Variants in PTCH1 observed in about 807,000 individuals in gnomAD.
PTCH1 encodes the protein protein patched homolog 1.
PTCH1 carries 14 observed loss-of-function variants against 144.6 expected under a neutral mutation model. That is an observed-to-expected ratio of 0.10 (90% CI 0.06 to 0.15). The LOEUF (loss-of-function observed/expected upper bound fraction) is 0.15, where lower values mean the gene tolerates loss of function less well. Ranked by LOEUF, PTCH1 falls within the 10% of genes least tolerant of loss-of-function variation. PTCH1 has a pLI of 1.00. For missense variants in PTCH1, 1,623 were observed against 1,948.3 expected, an observed-to-expected ratio of 0.83 and a Z score of 3.14; for synonymous variants, 833 against 793.6, an observed-to-expected ratio of 1.05 and a Z score of -0.83.
chr9:95,495,484 G>A (rs1396659093), intron 2 of PTCH1: 1 of 151,840 alleles, frequency 6.6e-6, no homozygotes, highest in Non-Finnish European at 1.5e-5. Flanking sequence ...GAGGTAGGGG[G>A]AGTAAGTATA....
At position 95,485,508 on chromosome 9, in the gene PTCH1, C is replaced by T. The variant is rs28673156; in HGVS notation, c.584+177G>A. Among the ~76,000 whole-genome samples, 15,548 of 152,204 alleles carry T rather than the reference C, an allele frequency of 0.1. 885 individuals are homozygous for T. The highest frequency in any genetic ancestry group is 0.14 in the African/African-American group (5,772 of 41,516). ...GTAATGCACTTGCTTTGTTACCAAACTCGAGAAACGATAAATCAAGATGAA... is the reference window on the plus strand; with the variant it reads ...GTAATGCACTTGCTTTGTTACCAAATTCGAGAAACGATAAATCAAGATGAA... On this transcript the variant is annotated intron_variant, in intron 3 of 23. Transcript: ENST00000331920.
At position 95,477,802 on chromosome 9, in the gene PTCH1, G is replaced by C. The variant is rs561765703; in HGVS notation, c.1348-100C>G. ...ACCCATCACCCCAAATCAAAAGGCA[G>C]AACTTATCCAACAACAACAAAACTT... On this transcript the variant is annotated intron_variant, in intron 9 of 23. Transcript: ENST00000331920. 1.0e-5 allele frequency: 16 copies of C among 1,528,034 alleles called. No homozygotes were observed. The South Asian group carries it at 1.8e-4, about 17-fold the overall frequency. 94.7% of individuals were successfully genotyped at this position (1,528,034 alleles called of 1,614,324 possible).
intron 15 of PTCH1, among the ~76,000 whole-genome samples, chr9:95,463,445 A>C (rs1244429031): frequency 1.3e-5 from 2 of 152,260 alleles, no homozygotes; most frequent in East Asian, 3.9e-4. Flanking sequence ...AGGCATGCAC[A>C]CACAGGGTAC....
At chr9:95,446,890 G>C (rs1477259077) in intron 23 of PTCH1, 21 bp downstream of exon 23, 1 of 1,613,362 alleles carries the variant, frequency 6.2e-7, no homozygotes, top group African/African-American at 1.3e-5. Flanking sequence ...TCCCTTGGCT[G>C]CCCTTGTCAG....
chr9:95,471,806 G>A (rs1048322071), intron 12 of PTCH1, among the ~76,000 whole-genome samples: 3 of 152,214 alleles, frequency 2.0e-5, no homozygotes, highest in East Asian at 1.9e-4. Flanking sequence ...GTGGGAGGCC[G>A]AGGCGGGCAG....
chr9:95,478,852 G>T, intron 8 of PTCH1, 148 bp downstream of exon 8: 1 of 1,255,846 alleles, frequency 8.0e-7, no homozygotes, highest in Non-Finnish European at 1.1e-6. Context: ...CAATATCAAA[G>T]AAGAGGAAAA....
intron 2 of PTCH1, among the ~76,000 whole-genome samples, chr9:95,495,642 G>A (rs1269974960): frequency 1.3e-5 from 2 of 151,996 alleles, no homozygotes; most frequent in African/African-American, 2.4e-5. Context: ...CCTCCAGAAC[G>A]GTTAGTTCCT....
At chr9:95,472,942 A>C (rs1420511301) in intron 12 of PTCH1, among the ~76,000 whole-genome samples, 1 of 152,248 alleles carries the variant, frequency 6.6e-6, no homozygotes, top group Non-Finnish European at 1.5e-5. Context: ...TGCAACTGTG[A>C]ATCAATTCTA....
intron 2 of PTCH1, among the ~76,000 whole-genome samples, chr9:95,487,331 C>T (rs1304544767): frequency 6.6e-6 from 1 of 152,194 alleles, no homozygotes; most frequent in Non-Finnish European, 1.5e-5. Context: ...CTTCTGTGTG[C>T]AGAAAACTTT....
chr9:95,469,544 C>T (rs759179107), intron 13 of PTCH1, among the ~76,000 whole-genome samples: 28 of 152,144 alleles, frequency 1.8e-4, no homozygotes, highest in Non-Finnish European at 1.0e-4. Context: ...TTCCTACAAT[C>T]GGCAACATCA....
intron 19 of PTCH1, 102 bp downstream of exon 19, chr9:95,456,174 G>A (rs1588534917): frequency 2.0e-6 from 3 of 1,537,346 alleles, no homozygotes; most frequent in East Asian, 2.3e-5. Context: ...CCTTTTCACT[G>A]CCACGCACAG....
intron 9 of PTCH1, 119 bp from the exon 10 acceptor site, chr9:95,477,821 A>G (rs1841186028): frequency 6.7e-7 from 1 of 1,490,036 alleles, no homozygotes; most frequent in Non-Finnish European, 9.2e-7. Flanking sequence ...CAACAACAAC[A>G]AAACTTTACA....
At chr9:95,505,928 G>GC (rs1843560607) in intron 2 of PTCH1, among the ~76,000 whole-genome samples, 1 of 146,514 alleles carries the variant, frequency 6.8e-6, no homozygotes, top group Non-Finnish European at 1.5e-5. Context: ...CGCCGGGGGC[G>GC]CGCACACTCC....
intron 14 of PTCH1, 57 bp downstream of exon 14, chr9:95,468,694 C>A (rs916728736): frequency 1.0e-5 from 16 of 1,596,546 alleles, no homozygotes; most frequent in Non-Finnish European, 1.4e-5. Context: ...CTGATGAACT[C>A]CAAAGGTTCT....
intron 2 of PTCH1, among the ~76,000 whole-genome samples, chr9:95,505,743 C>G: frequency 6.6e-6 from 1 of 151,842 alleles, no homozygotes; most frequent in Non-Finnish European, 1.5e-5. Context: ...CAGTCTGTGC[C>G]TTACTATTTT....
rs992775260 is a variant in PTCH1, at chr9:95,449,612, G to C, written c.3549+229C>G. On this transcript the variant is annotated intron_variant, in intron 21 of 23. Transcript: ENST00000331920. This position sits in a 1 kb window ranked among gnomAD's most constrained non-coding sequence, Gnocchi z 5.3. ...GGAAAGTCTTCATTTACTGTATAAA[G>C]ATCTGTAAGACCCAGGCTGCCAATC... The C allele has an allele frequency of 3.1e-6, 2 of 644,042 alleles. No homozygotes were observed. Among genetic ancestry groups the C allele is most frequent in the African/African-American group, 3.7e-5 (2 of 54,670 alleles). The allele number at this position is 644,042 out of a possible 1,614,324, so 39.9% of individuals were successfully genotyped here.
At chr9:95,485,960 T>C in intron 2 of PTCH1, 86 bp from the exon 3 acceptor site, 2 of 1,433,092 alleles carry the variant, frequency 1.4e-6, no homozygotes, top group African/African-American at 1.4e-5. Flanking sequence ...TGCCATAGGA[T>C]ACACAATAGA....
chr9:95,500,961 G>A (rs530735096), intron 2 of PTCH1, among the ~76,000 whole-genome samples: 3 of 152,188 alleles, frequency 2.0e-5, no homozygotes, highest in East Asian at 1.9e-4. Context: ...GACCCATCAC[G>A]GTGTTTTTCT....
rs1840321607 is a variant in PTCH1 at position 95,469,118 on chromosome 9, T to G, written c.1883A>C (p.Gln628Pro). Residue 628 changes from glutamine (Q) to proline (P), a missense_variant, in exon 14 of 24, where the codon CAG (glutamine) becomes CCG (proline). Around this residue, in one of 7 missense-constraint regions of PTCH1, gnomAD observed 179 missense variants for 165.7 expected, o/e 1.08. Transcript: ENST00000331920. Reference protein sequence around the residue: ...CVSRVIQVEPQAYTDTHDNTR... With the variant: ...CVSRVIQVEPPAYTDTHDNTR... The stretch of plus-strand genomic sequence containing the variant: ...ATTGTCGTGTGTGTCGGTGTAGGCC[T>G]GAGGTTCAACCTGAATCACTCTGCT... The G allele has an allele frequency of 1.2e-6, 2 of 1,613,972 alleles. No individual in the cohort carries two copies. The highest frequency in any genetic ancestry group is 1.7e-6 in the Non-Finnish European group (2 of 1,179,986).
Sources: gnomAD v4.1 joint callset for allele counts (sites outside exome capture counted in the v4.1 genomes callset) on GRCh38, gnomAD v4.1.1 for gene constraint, gnomAD v4.1.1 regional missense constraint, Gnocchi (gnomAD v3.1) non-coding constraint, MANE v1.5 for transcripts, NCBI Gene and HGNC (gene_info 2026-07-23, HGNC 2026-07-21) for gene names.